Variants in DLGAP2 observed in about 807,000 individuals in gnomAD.
DLGAP2 encodes the protein DLG associated protein 2.
Under a neutral mutation model 100.3 loss-of-function variants are expected in DLGAP2, and 26 were observed. That is an observed-to-expected ratio of 0.26 (90% CI 0.19 to 0.36). The LOEUF is 0.36. Among genes scored for constraint, DLGAP2 ranks in the 10% least tolerant of loss-of-function variants. The pLI is 1.00. For synonymous variants in DLGAP2, 886 were observed against 630.1 expected, an observed-to-expected ratio of 1.41 and a Z score of -6.08; for missense variants, 1,858 against 1,453.2, an observed-to-expected ratio of 1.28 and a Z score of -4.53.
intron 2 of DLGAP2, among the ~76,000 whole-genome samples, chr8:1,102,807 G>A (rs756395304): frequency 1.1e-4 from 16 of 152,062 alleles, no homozygotes; most frequent in Non-Finnish European, 1.6e-4. Flanking sequence ...CAGCCCTGGG[G>A]GAGGTGACGG....
At chr8:1,311,347 AC>A (rs1800609756) in intron 3 of DLGAP2, among the ~76,000 whole-genome samples, 1 of 152,256 alleles carries the variant, frequency 6.6e-6, no homozygotes, top group African/African-American at 2.4e-5. Context: ...ATTCCACCAA[AC>A]AGGTAAAGAT....
chr8:1,266,141 G>C (rs954324622), intron 3 of DLGAP2, among the ~76,000 whole-genome samples: 2 of 152,240 alleles, frequency 1.3e-5, no homozygotes, highest in African/African-American at 4.8e-5. Context: ...CTCTGAAAGG[G>C]AGGTTTCCCT....
At chr8:870,940 T>C (rs565082158) in intron 1 of DLGAP2, among the ~76,000 whole-genome samples, 52 of 152,278 alleles carry the variant, frequency 3.4e-4, no homozygotes, top group African/African-American at 1.2e-3. Context: ...ATTCCCCTAA[T>C]TCCAAAATGC....
intron 6 of DLGAP2, among the ~76,000 whole-genome samples, chr8:1,584,214 T>C (rs1022190263): frequency 6.6e-6 from 1 of 152,154 alleles, no homozygotes; most frequent in African/African-American, 2.4e-5. Flanking sequence ...TTATTGATAA[T>C]CAACTTAATA....
chr8:1,289,691 C>T (rs1380350451), intron 3 of DLGAP2, among the ~76,000 whole-genome samples: 1 of 152,144 alleles, frequency 6.6e-6, no homozygotes, highest in Non-Finnish European at 1.5e-5. Flanking sequence ...GCAGTGTTCT[C>T]ACAGAAGTAC....
chr8:926,105 G>A (rs1156960132), intron 2 of DLGAP2, among the ~76,000 whole-genome samples: 3 of 152,166 alleles, frequency 2.0e-5, no homozygotes. Flanking sequence ...GCTGACTTGG[G>A]AGGGATGGCT....
intron 2 of DLGAP2, among the ~76,000 whole-genome samples, chr8:1,140,189 C>A (rs1796497190): frequency 1.3e-5 from 2 of 152,090 alleles, no homozygotes; most frequent in South Asian, 4.1e-4. Context: ...GAGGTGCGAC[C>A]AGGGTGACAT....
At chr8:827,406 G>A (rs1314025231) in intron 1 of DLGAP2, among the ~76,000 whole-genome samples, 1 of 152,158 alleles carries the variant, frequency 6.6e-6, no homozygotes, top group African/African-American at 2.4e-5. Flanking sequence ...TACACATTTG[G>A]ACTTTCAGGA....
chr8:1,152,363 AAC>A (rs1796711555), intron 2 of DLGAP2, among the ~76,000 whole-genome samples: 1 of 152,242 alleles, frequency 6.6e-6, no homozygotes, highest in South Asian at 2.1e-4. Flanking sequence ...CCATCATTAA[AAC>A]ACAGAGTTTG....
intron 12 of DLGAP2, among the ~76,000 whole-genome samples, chr8:1,685,734 G>GA (rs113424052): frequency 3.9e-3 from 533 of 136,528 alleles, no homozygotes; most frequent in Non-Finnish European, 5.0e-3. Context: ...TCAAATAACA[G>GA]AAAAAAAAAA....
chr8:1,219,130 T>G (rs896387324), intron 2 of DLGAP2, among the ~76,000 whole-genome samples: 1 of 152,222 alleles, frequency 6.6e-6, no homozygotes, highest in African/African-American at 2.4e-5. Flanking sequence ...CTTGCCTGAC[T>G]GCTCTGGCAA....
At chr8:1,124,777 G>A (rs775322330) in intron 2 of DLGAP2, among the ~76,000 whole-genome samples, 3 of 152,154 alleles carry the variant, frequency 2.0e-5, no homozygotes, top group Non-Finnish European at 2.9e-5. Flanking sequence ...CCCGTGTGGT[G>A]TTTTCATTTT....
chr8:859,953 GTTGTTTGT>G (rs968075165), intron 1 of DLGAP2, among the ~76,000 whole-genome samples: 2 of 152,138 alleles, frequency 1.3e-5, no homozygotes, highest in African/African-American at 4.8e-5. Flanking sequence ...TGCTGTTGCT[GTTGTTTGT>G]TTGTTTGTTT....
intron 1 of DLGAP2, among the ~76,000 whole-genome samples, chr8:818,228 AG>A (rs1248722996): frequency 6.6e-6 from 1 of 152,096 alleles, no homozygotes; most frequent in African/African-American, 2.4e-5. Context: ...TTATATTCCC[AG>A]GGGGATTATG....
chr8:1,163,072 G>A (rs1796922991), intron 2 of DLGAP2, among the ~76,000 whole-genome samples: 1 of 152,166 alleles, frequency 6.6e-6, no homozygotes, highest in East Asian at 1.9e-4. Context: ...GGAGTCCTCG[G>A]CTGGTAAGAG....
intron 1 of DLGAP2, among the ~76,000 whole-genome samples, chr8:877,705 C>G (rs973429731): frequency 1.3e-5 from 2 of 152,222 alleles, no homozygotes; most frequent in Admixed American, 1.3e-4. Flanking sequence ...TGTCTTGAAT[C>G]TCTTCCCAGT....
At chr8:1,208,902 AAATAAAT>A (rs1798049812) in intron 2 of DLGAP2, among the ~76,000 whole-genome samples, 2 of 149,296 alleles carry the variant, frequency 1.3e-5, no homozygotes, top group Admixed American at 6.8e-5. Context: ...ATAAATAAAT[AAATAAAT>A]AAAATGCTTA....
intron 4 of DLGAP2, among the ~76,000 whole-genome samples, chr8:1,510,858 C>G (rs910872950): frequency 6.6e-6 from 1 of 152,234 alleles, no homozygotes; most frequent in African/African-American, 2.4e-5. Context: ...ACACCTGAAA[C>G]TGAGGTCGGT....
rs552334056 is a variant in DLGAP2, at chr8:970,434, C to T, written c.73+62468C>T. On this transcript the variant is annotated intron_variant, in intron 2 of 14. Transcript: ENST00000637795. Reference sequence around the variant, plus strand: ...AGGTGGCTGATCAACGTTTATCAGCCCACCAGTGCTTAAGGACAAATGGCA... The same window carrying T: ...AGGTGGCTGATCAACGTTTATCAGCTCACCAGTGCTTAAGGACAAATGGCA... Among the ~76,000 whole-genome samples the T allele has an allele frequency of 2.0e-5, 3 of 152,220 alleles. No homozygotes were observed. The South Asian group carries it at 6.2e-4, about 32-fold the overall frequency.
Sources: gnomAD v4.1 joint callset for allele counts (sites outside exome capture counted in the v4.1 genomes callset) on GRCh38, gnomAD v4.1.1 for gene constraint, MANE v1.5 for transcripts, NCBI Gene and HGNC (gene_info 2026-07-23, HGNC 2026-07-21) for gene names.